The following TNRC6B variants were observed in gnomAD, a reference collection of about 807,000 sequenced individuals.
TNRC6B encodes trinucleotide repeat containing adaptor 6B.
TNRC6B carries 52 observed loss-of-function variants against 203.6 expected under a neutral mutation model. The ratio of observed to expected loss-of-function variants is 0.26; its 90% CI spans 0.20 to 0.32. The LOEUF (loss-of-function observed/expected upper bound fraction) is 0.32, where lower values mean the gene tolerates loss of function less well. TNRC6B is among the 10% of genes least tolerant of loss of function. TNRC6B has a pLI of 1.00. For missense variants in TNRC6B, 1,923 were observed against 2,286.2 expected, an observed-to-expected ratio of 0.84 and a Z score of 3.24; for synonymous variants, 838 against 845.7, an observed-to-expected ratio of 0.99 and a Z score of 0.16.
At chr22:40,295,800 A>G (rs1438984415) in intron 12 of TNRC6B, among the ~76,000 whole-genome samples, 7 of 152,214 alleles carry the variant, frequency 4.6e-5, no homozygotes, top group Non-Finnish European at 1.0e-4. Flanking sequence ...TAGGAAAGGA[A>G]TCATTGCCTT....
intron 4 of TNRC6B, among the ~76,000 whole-genome samples, chr22:40,168,156 A>C (rs1354001047): frequency 1.3e-5 from 2 of 152,184 alleles, no homozygotes; most frequent in Admixed American, 1.3e-4. Context: ...CATATGTCTT[A>C]TCTCTGAACT....
chr22:40,282,237 A>G (rs956193754), intron 11 of TNRC6B, among the ~76,000 whole-genome samples: 2 of 152,218 alleles, frequency 1.3e-5, no homozygotes, highest in African/African-American at 4.8e-5. Flanking sequence ...GGGTGATGTG[A>G]AGCAATACCT....
intron 2 of TNRC6B, among the ~76,000 whole-genome samples, chr22:40,247,469 G>A (rs1304930048): frequency 6.6e-6 from 1 of 152,152 alleles, no homozygotes; most frequent in Non-Finnish European, 1.5e-5. Flanking sequence ...GTGAGTATCA[G>A]CATAAGAAAA....
chr22:40,086,292 G>A (rs1258089962), intron 1 of TNRC6B, among the ~76,000 whole-genome samples: 1 of 152,084 alleles, frequency 6.6e-6, no homozygotes, highest in African/African-American at 2.4e-5. Context: ...TGATTCCCTA[G>A]TATCCTCCAA....
intron 1 of TNRC6B, among the ~76,000 whole-genome samples, chr22:40,242,930 C>T (rs5757889): frequency 0.32 from 48,691 of 151,708 alleles, 9,559 homozygotes; most frequent in East Asian, 0.57. Flanking sequence ...AGTGCAGTGG[C>T]GTAATCTTGG....
rs534863271 is a variant in TNRC6B at position 40,145,553 on chromosome 22, C to T, written c.46-10562C>T. On this transcript the variant is annotated intron_variant, in intron 3 of 23. Coordinates refer to the TNRC6B transcript ENST00000301923. Reference sequence around the variant, plus strand: ...TATTCGATGTTGAGGAAAGAGAAAACGATAAATCGGCTGGGCATGGTGGTT... The same window carrying T: ...TATTCGATGTTGAGGAAAGAGAAAATGATAAATCGGCTGGGCATGGTGGTT... 1.8e-4 allele frequency among the ~76,000 whole-genome samples: 28 copies of T among 152,076 alleles called. No individual in the cohort carries two copies. In the South Asian group the frequency reaches 4.8e-3, roughly 26 times the overall value.
At chr22:40,286,969 C>G (rs969896050) in intron 12 of TNRC6B, among the ~76,000 whole-genome samples, 1 of 152,140 alleles carries the variant, frequency 6.6e-6, no homozygotes, top group African/African-American at 2.4e-5. Context: ...ATCCAACCAG[C>G]AGGTTGTAAA....
chr22:40,235,757 A>G (rs1011669206), intron 1 of TNRC6B, among the ~76,000 whole-genome samples: 1 of 152,216 alleles, frequency 6.6e-6, no homozygotes, highest in Admixed American at 6.5e-5. Context: ...TACTTGATCG[A>G]TTAAACTAAC....
At chr22:40,179,458 GAGAA>G (rs1163705765) in intron 1 of TNRC6B, among the ~76,000 whole-genome samples, 1 of 152,116 alleles carries the variant, frequency 6.6e-6, no homozygotes, top group African/African-American at 2.4e-5. Flanking sequence ...ATATTGGCAT[GAGAA>G]AGAGACTGTT....
At chr22:40,296,534 G>A (rs1227345223) in intron 12 of TNRC6B, among the ~76,000 whole-genome samples, 1 of 151,658 alleles carries the variant, frequency 6.6e-6, no homozygotes, top group Non-Finnish European at 1.5e-5. Context: ...GGGTTTCACC[G>A]TGTTAGCCAG....
chr22:40,046,615 T>A (rs1249527594), intron 1 of TNRC6B, among the ~76,000 whole-genome samples: 1 of 118,010 alleles, frequency 8.5e-6, no homozygotes, highest in African/African-American at 7.2e-5. Flanking sequence ...GCACTTAAAT[T>A]TTTTTTTTTT....
chr22:40,067,895 T>A (rs1157357639), intron 1 of TNRC6B, among the ~76,000 whole-genome samples: 1 of 152,154 alleles, frequency 6.6e-6, no homozygotes, highest in African/African-American at 2.4e-5. Flanking sequence ...ACCAGCCATC[T>A]AGGGATCTCT....
intron 1 of TNRC6B, among the ~76,000 whole-genome samples, chr22:40,204,527 T>G (rs1048757108): frequency 2.0e-5 from 3 of 152,234 alleles, no homozygotes; most frequent in Non-Finnish European, 4.4e-5. Context: ...CCAAAAATGC[T>G]AACAAGTGAC....
rs758963166 is a variant in TNRC6B, at chr22:40,264,802, T to C, written c.572T>C (p.Ile191Thr). ...CCAATTCACATCTGGGACAAGGTGA[T>C]TGTAGACGGGTCTGACATGGAAGAG... ...PNPIHIWDKV[I>T]VDGSDMEEWP... The change falls in exon 5 of 23, where the codon ATT becomes ACT. Residue 191 changes from isoleucine (I) to threonine (T), a missense_variant. By Grantham distance (89) the Ile-to-Thr change is moderately conservative. This residue lies in a region of TNRC6B where 614 missense variants were observed against 587.7 expected (regional missense o/e 1.04). Coordinates refer to ENST00000454349, the MANE Select transcript of TNRC6B (RefSeq NM_001162501.2). 2.4e-5 allele frequency: 38 copies of C among 1,613,856 alleles called. No homozygotes were observed. The South Asian group carries it at 3.8e-4, about 16-fold the overall frequency.
chr22:40,110,285 T>A (rs2068321414), intron 1 of TNRC6B, among the ~76,000 whole-genome samples: 1 of 152,252 alleles, frequency 6.6e-6, no homozygotes, highest in East Asian at 1.9e-4. Context: ...TTACCTCTAA[T>A]CTGCTTAATT....
chr22:40,077,809 A>G (rs1348262503), intron 1 of TNRC6B, among the ~76,000 whole-genome samples: 1 of 152,066 alleles, frequency 6.6e-6, no homozygotes, highest in Admixed American at 6.5e-5. Flanking sequence ...AAGTTTTTTC[A>G]TGTCAGTGGA....
intron 1 of TNRC6B, among the ~76,000 whole-genome samples, chr22:40,073,389 T>C (rs2067972392): frequency 6.6e-6 from 1 of 152,102 alleles, no homozygotes; most frequent in African/African-American, 2.4e-5. Context: ...AACAGGAGCT[T>C]TTCTAATATG....
chr22:40,173,343 C>G (rs758551705), upstream of TNRC6B, among the ~76,000 whole-genome samples: 4 of 151,656 alleles, frequency 2.6e-5, no homozygotes, highest in Non-Finnish European at 5.9e-5. Context: ...GATCCACCCT[C>G]GGCCTCCCAA....
chr22:40,159,182 C>T (rs963602140), intron 4 of TNRC6B, among the ~76,000 whole-genome samples: 3 of 151,404 alleles, frequency 2.0e-5, no homozygotes, highest in African/African-American at 7.3e-5. Context: ...CCAGGATGGT[C>T]TCGATCTCCT....
Sources: allele counts gnomAD v4.1 joint callset (sites outside exome capture counted in the v4.1 genomes callset), GRCh38; gene constraint gnomAD v4.1.1; regional missense constraint gnomAD v4.1.1; transcripts MANE v1.5; gene names NCBI Gene and HGNC (gene_info 2026-07-23, HGNC 2026-07-21).